The following CDH13 variants were observed in gnomAD, a reference collection of about 807,000 sequenced individuals.
CDH13 encodes the protein cadherin 13.
A neutral mutation model predicts 63.8 loss-of-function variants in CDH13; 24 were observed. The ratio of observed to expected loss-of-function variants is 0.38; its 90% CI spans 0.27 to 0.53. The LOEUF is 0.53. Among genes scored for constraint, CDH13 ranks in the 20% least tolerant of loss-of-function variants. The pLI is 0.85. For missense variants in CDH13, 1,049 were observed against 903.1 expected, an observed-to-expected ratio of 1.16 and a Z score of -2.07; for synonymous variants, 503 against 355.3, an observed-to-expected ratio of 1.42 and a Z score of -4.67.
chr16:82,727,667 A>T (rs1235295999), intron 1 of CDH13: 1 of 152,238 alleles, frequency 6.6e-6, no homozygotes, highest in Non-Finnish European at 1.5e-5. Context: ...GTGTCAGAGT[A>T]GATTCTGGAG....
chr16:83,752,980 T>C (rs1048812312), intron 11 of CDH13, among the ~76,000 whole-genome samples: 1 of 152,156 alleles, frequency 6.6e-6, no homozygotes, highest in African/African-American at 2.4e-5. Flanking sequence ...GACACGGAAA[T>C]TTAAAATCTG....
At chr16:82,911,182 A>G (rs999402529) in intron 2 of CDH13, among the ~76,000 whole-genome samples, 1 of 152,184 alleles carries the variant, frequency 6.6e-6, no homozygotes, top group Non-Finnish European at 1.5e-5. Context: ...CCGAGCGCTG[A>G]AATTCTTTGC....
At chr16:82,720,791 G>C (rs2032723072) in intron 1 of CDH13, among the ~76,000 whole-genome samples, 2 of 152,092 alleles carry the variant, frequency 1.3e-5, no homozygotes, top group African/African-American at 4.8e-5. Flanking sequence ...ATTGTTGTTT[G>C]AGTCAGTCAC....
At chr16:82,679,437 C>A (rs563868237) in intron 1 of CDH13, among the ~76,000 whole-genome samples, 10 of 152,260 alleles carry the variant, frequency 6.6e-5, no homozygotes, top group African/African-American at 1.9e-4. Context: ...GATTTACCTC[C>A]TACTAAAATG....
At chr16:83,488,143 C>T (rs961802150) in intron 7 of CDH13, among the ~76,000 whole-genome samples, 2 of 152,208 alleles carry the variant, frequency 1.3e-5, no homozygotes, top group African/African-American at 4.8e-5. Flanking sequence ...ATCAGCTTCA[C>T]AGTCACAGAC....
intron 10 of CDH13, among the ~76,000 whole-genome samples, chr16:83,682,719 C>A (rs973470318): frequency 5.9e-5 from 9 of 152,114 alleles, no homozygotes; most frequent in African/African-American, 1.9e-4. Context: ...TCTCCCCACC[C>A]CACCATCTCT....
At chr16:82,825,011 C>G (rs1437233695) in intron 1 of CDH13, 3 of 152,082 alleles carry the variant, frequency 2.0e-5, no homozygotes, top group African/African-American at 4.8e-5. Flanking sequence ...TTAAGACAAT[C>G]TGTGGAAGGG....
At chr16:83,745,079 G>A (rs1912447635) in intron 10 of CDH13, among the ~76,000 whole-genome samples, 1 of 152,216 alleles carries the variant, frequency 6.6e-6, no homozygotes, top group African/African-American at 2.4e-5. Context: ...ACCTCCCAGG[G>A]CTGGTGTGAG....
At chr16:82,963,216 C>CAAA (rs397775475) in intron 2 of CDH13, among the ~76,000 whole-genome samples, 10 of 132,412 alleles carry the variant, frequency 7.6e-5, no homozygotes, top group African/African-American at 2.7e-4. Flanking sequence ...ACTAAAAATA[C>CAAA]AAAAAAAAAA....
chr16:82,837,767 A>G (rs1187316415), intron 1 of CDH13, among the ~76,000 whole-genome samples: 1 of 152,202 alleles, frequency 6.6e-6, no homozygotes, highest in African/African-American at 2.4e-5. Flanking sequence ...TGCCTGATAC[A>G]TAGCAACATT....
At chr16:83,141,588 C>T (rs1164795159) in intron 4 of CDH13, among the ~76,000 whole-genome samples, 1 of 152,068 alleles carries the variant, frequency 6.6e-6, no homozygotes, top group Admixed American at 6.5e-5. Flanking sequence ...GCCATGGTGG[C>T]TTGCTGCACC....
intron 5 of CDH13, among the ~76,000 whole-genome samples, chr16:83,224,649 T>C (rs2039791728): frequency 6.6e-6 from 1 of 152,232 alleles, no homozygotes; most frequent in South Asian, 2.1e-4. Flanking sequence ...ACGTGAACCA[T>C]ATGAAATTGC....
At chr16:83,646,623 C>G (rs552339030) in intron 8 of CDH13, among the ~76,000 whole-genome samples, 81 of 141,412 alleles carry the variant, frequency 5.7e-4, no homozygotes, top group Non-Finnish European at 1.1e-3. Flanking sequence ...ATTGCTTGAA[C>G]CCGGGAAGCA....
intron 3 of CDH13, among the ~76,000 whole-genome samples, chr16:83,072,526 A>G (rs2032515069): frequency 6.6e-6 from 1 of 152,218 alleles, no homozygotes; most frequent in South Asian, 2.1e-4. Context: ...ATTTTCTGTC[A>G]AAAGCTAGAG....
chr16:83,255,856 C>T (rs969421518), intron 5 of CDH13, among the ~76,000 whole-genome samples: 2 of 152,046 alleles, frequency 1.3e-5, no homozygotes, highest in Non-Finnish European at 2.9e-5. Flanking sequence ...TAAGGTGGTT[C>T]TGAAGATGAC....
intron 1 of CDH13, among the ~76,000 whole-genome samples, chr16:82,646,548 A>G (rs558614362): frequency 6.6e-6 from 1 of 152,164 alleles, no homozygotes; most frequent in East Asian, 1.9e-4. Flanking sequence ...AAGTGGGTCA[A>G]AGAAATGGGA....
chr16:83,576,690 T>C (rs1173677277), intron 7 of CDH13, among the ~76,000 whole-genome samples: 1 of 152,242 alleles, frequency 6.6e-6, no homozygotes, highest in Non-Finnish European at 1.5e-5. Flanking sequence ...TTGCTGTTTT[T>C]TATGCTAGCC....
intron 5 of CDH13, among the ~76,000 whole-genome samples, chr16:83,329,697 C>G (rs914557969): frequency 5.3e-5 from 8 of 152,160 alleles, no homozygotes; most frequent in Non-Finnish European, 1.2e-4. Context: ...TTTCTGTGTC[C>G]TTGAGAGTCA....
chr16:82,844,454 A>T (rs1426004868), intron 1 of CDH13: 1 of 151,264 alleles, frequency 6.6e-6, no homozygotes, highest in Non-Finnish European at 1.5e-5. Flanking sequence ...ACAAAAAATT[A>T]GCCGGGCGTG....
Sources: allele counts gnomAD v4.1 joint callset (sites outside exome capture counted in the v4.1 genomes callset), GRCh38; gene constraint gnomAD v4.1.1; transcripts MANE v1.5; gene names NCBI Gene and HGNC (gene_info 2026-07-23, HGNC 2026-07-21).